USP6: variants seen among roughly 807,000 people sequenced by gnomAD.
USP6 encodes ubiquitin specific peptidase 6, also known as ubiquitin carboxyl-terminal hydrolase 6.
USP6 carries 128 observed loss-of-function variants against 175.7 expected under a neutral mutation model. The observed-to-expected ratio is 0.73, with a 90% confidence interval of 0.63 to 0.84. The LOEUF (loss-of-function observed/expected upper bound fraction) is 0.84, where lower values mean the gene tolerates loss of function less well. USP6 is among the 40% of genes least tolerant of loss of function. USP6 has a pLI of 0.00. For missense variants in USP6, 1,498 were observed against 1,760.3 expected, an observed-to-expected ratio of 0.85 and a Z score of 2.67; for synonymous variants, 562 against 630.6, an observed-to-expected ratio of 0.89 and a Z score of 1.63.
At chr17:5,171,443 G>A in intron 36 of USP6, 144 bp from the exon 37 acceptor site, 2 of 740,736 alleles carry the variant, frequency 2.7e-6, no homozygotes, top group South Asian at 7.6e-5. Context: ...GCTTATTTTG[G>A]TTTTAGAGAA....
At chr17:5,140,080 G>A (rs1200233633) in intron 22 of USP6, among the ~76,000 whole-genome samples, 4 of 151,626 alleles carry the variant, frequency 2.6e-5, no homozygotes, top group Non-Finnish European at 4.4e-5. Context: ...CACGACCAGC[G>A]TTCTGAATTC....
chr17:5,129,110 T>G lies in USP6; in HGVS notation c.-179T>G, dbSNP rs2072981479. On this transcript the variant is annotated 5_prime_UTR_variant, in exon 8 of 38. Coordinates refer to ENST00000574788, the MANE Select transcript of USP6 (RefSeq NM_001304284.2). ...TGGTGGCTTCGTAGAGTGGGTGCTG[T>G]TCCCGAATGTACCCATTCGACAGGT... 6.6e-6 allele frequency: 1 copy of G among 152,408 alleles called. No homozygotes were observed. Among genetic ancestry groups the G allele is most frequent in the Non-Finnish European group, 1.5e-5 (1 of 68,040 alleles). The allele number at this position is 152,408 out of a possible 1,614,324, so 9.4% of individuals were successfully genotyped here.
chr17:5,137,142 C>A lies in USP6; in HGVS notation c.781C>A (p.Gln261Lys). The change falls in exon 19 of 38, where the codon CAG (glutamine) becomes AAG (lysine). Residue 261 changes from glutamine (Q) to lysine (K), a missense_variant. Physicochemically the swap from Gln to Lys is moderately conservative, Grantham distance 53 (BLOSUM62 1). This residue lies in a region of USP6 where 1,217 missense variants were observed against 1,500.8 expected (regional missense o/e 0.81). Transcript: ENST00000574788. ...WHQDKEGLCG[Q>K]CASLGCLLRN... ...TCAGGACAAGGAAGGTCTATGCGGG[C>A]AGTGTGCCTCGTTAGGCTGCCTTCT... is the stretch of plus-strand genomic sequence containing the variant. 6.2e-7 allele frequency: 1 copy of A among 1,613,448 alleles called. No individual in the cohort carries two copies. The highest frequency in any genetic ancestry group is 8.5e-7 in the Non-Finnish European group (1 of 1,179,584).
chr17:5,133,679 A>G, intron 14 of USP6, 129 bp downstream of exon 14: 1 of 1,192,854 alleles, frequency 8.4e-7, no homozygotes, highest in Non-Finnish European at 1.2e-6. Flanking sequence ...CATCCTGGGC[A>G]TGGACGGTGA....
At chr17:5,161,269 C>T (rs942412818) in intron 31 of USP6, among the ~76,000 whole-genome samples, 2 of 152,192 alleles carry the variant, frequency 1.3e-5, no homozygotes, top group East Asian at 1.9e-4. Flanking sequence ...GTAAAATTTT[C>T]GTGGGCCACA....
intron 25 of USP6, among the ~76,000 whole-genome samples, chr17:5,142,855 C>G (rs2073487898): frequency 6.6e-6 from 1 of 152,152 alleles, no homozygotes; most frequent in African/African-American, 2.4e-5. Flanking sequence ...ACATCCAATC[C>G]AATACATTTT....
rs1332479538 is a variant in USP6, at chr17:5,142,060, A to T, written c.1631A>T (p.Asn544Ile). ...LSNLGNTCFM[N>I]SSIQCVSNTQ... ...AACCTGGGAAACACATGCTTCATGA[A>T]CTCAAGCATCCAGTGCGTTAGTAAC... Residue 544 changes from asparagine to isoleucine, a missense_variant, in exon 24 of 38, where the codon AAC (asparagine) becomes ATC (isoleucine). Asn to Ile is a moderately radical substitution (Grantham distance 149). This residue lies in a region of USP6 where 1,217 missense variants were observed against 1,500.8 expected (regional missense o/e 0.81). Coordinates refer to ENST00000574788, the MANE Select transcript of USP6 (RefSeq NM_001304284.2). 6.2e-7 allele frequency: 1 copy of T among 1,613,784 alleles called. No homozygotes were observed. The highest frequency in any genetic ancestry group is 1.3e-5 in the African/African-American group (1 of 74,916).
intron 21 of USP6, 43 bp downstream of exon 21, chr17:5,138,316 G>A (rs1465976317): frequency 6.2e-7 from 1 of 1,610,576 alleles, no homozygotes; most frequent in Non-Finnish European, 8.5e-7. Flanking sequence ...AGCCTCTGGG[G>A]CAGTCAATAG....
rs1008224599 is a variant in USP6 at position 5,151,924 on chromosome 17, G to A, written c.2643+3157G>A. Reference sequence around the variant, plus strand: ...CCTGACATTACGCATATAAAGAAAAGATTAAATTGCACTTCATTAAAATTG... The same window carrying A: ...CCTGACATTACGCATATAAAGAAAAAATTAAATTGCACTTCATTAAAATTG... On this transcript the variant is annotated intron_variant, in intron 30 of 37. Coordinates refer to ENST00000574788, the MANE Select transcript of USP6 (RefSeq NM_001304284.2). Among the ~76,000 whole-genome samples the A allele has an allele frequency of 2.0e-5, 3 of 152,118 alleles. No homozygotes were observed. The South Asian group carries it at 6.2e-4, about 31-fold the overall frequency.
rs760271882 is a variant in USP6, at chr17:5,132,256, C to T, written c.156-140C>T. On this transcript the variant is annotated intron_variant, in intron 11 of 37. Transcript: ENST00000574788. The surrounding 1 kb of genome is among the most constrained non-coding windows in gnomAD (Gnocchi z 4.7). ...GTCAGAGCCACAGGAAGGCCCTTGT[C>T]CTCCCTTCCCTGTGCCTTCTCCCGG... The T allele has an allele frequency of 1.1e-5, 18 of 1,601,682 alleles. No individual in the cohort carries two copies. In the East Asian group the frequency reaches 3.4e-4, roughly 30 times the overall value.
At chr17:5,157,544 A>G (rs2073910159) in intron 31 of USP6, among the ~76,000 whole-genome samples, 1 of 152,226 alleles carries the variant, frequency 6.6e-6, no homozygotes, top group Admixed American at 6.5e-5. Context: ...AATTGAATTA[A>G]AAAGCTTCTA....
chr17:5,133,081 C>T, intron 13 of USP6, 91 bp downstream of exon 13: 1 of 1,465,294 alleles, frequency 6.8e-7, no homozygotes, highest in African/African-American at 1.4e-5. Context: ...GTCAGCCTCT[C>T]AGAGGGCGGG....
intron 22 of USP6, 48 bp from the exon 23 acceptor site, chr17:5,141,377 G>A (rs747564165): frequency 6.6e-7 from 1 of 1,514,122 alleles, no homozygotes; most frequent in Admixed American, 2.1e-5. Flanking sequence ...TCAAGTGGGT[G>A]TAAATTAGAC....
intron 23 of USP6, among the ~76,000 whole-genome samples, chr17:5,141,775 A>C (rs1451261073): frequency 6.6e-6 from 1 of 152,242 alleles, no homozygotes; most frequent in African/African-American, 2.4e-5. Context: ...CATAGCAATT[A>C]AAAAGAATAA....
Position 5,147,085 on chromosome 17 carries a change from C to A in USP6, c.2322C>A (p.Asn774Lys), listed in dbSNP as rs1035342231. ...TCATCTTGCTGCTGTTTCTGTAGAA[C>A]TTTCCTCAGGATAACCAAAAAGTAC... ...LAEVHDSNIKNFPQDNQKVQL... is the reference protein window; with the variant it reads ...LAEVHDSNIKKFPQDNQKVQL... The change falls in exon 29 of 38, where the codon AAC becomes AAA. Residue 774 changes from asparagine to lysine, a missense_variant and splice_region_variant. Asn to Lys is a moderately conservative substitution (Grantham distance 94). Coordinates refer to ENST00000574788, the MANE Select transcript of USP6 (RefSeq NM_001304284.2). The A allele has an allele frequency of 2.8e-5, 45 of 1,611,808 alleles. No homozygotes were observed. Among genetic ancestry groups the A allele is most frequent in the Non-Finnish European group, 3.6e-5 (42 of 1,179,214 alleles).
chr17:5,174,454 G>A lies in USP6; in HGVS notation c.*1476G>A, dbSNP rs2074284914. 5.2e-6 allele frequency: 1 copy of A among 190,698 alleles called. No individual in the cohort carries two copies. Among genetic ancestry groups the A allele is most frequent in the Non-Finnish European group, 1.1e-5 (1 of 90,790 alleles). The allele number at this position is 190,698 out of a possible 1,614,324, so 11.8% of individuals were successfully genotyped here. On this transcript the variant is annotated 3_prime_UTR_variant, in exon 38 of 38. Coordinates refer to ENST00000574788, the MANE Select transcript of USP6 (RefSeq NM_001304284.2). ...TAATATCTAGTTCTCAGAGCATTTG[G>A]AAAGGTTATCTTAAATGGCTACCTA...
At chr17:5,136,763 C>A in intron 18 of USP6, 29 bp downstream of exon 18, 1 of 1,609,444 alleles carries the variant, frequency 6.2e-7, no homozygotes, top group East Asian at 2.2e-5. Flanking sequence ...CGGCTCTTCT[C>A]AGAGGCCCTG....
rs745899277 is a variant in USP6 at position 5,162,872 on chromosome 17, C to T, written c.2916-12C>T. The T allele has an allele frequency of 3.8e-6, 6 of 1,589,268 alleles. No homozygotes were observed. Among genetic ancestry groups the T allele is most frequent in the Admixed American group, 3.8e-5 (2 of 52,032 alleles). Reference sequence around the variant, plus strand: ...TTATTTCTTCCTCTGTGGATCTTTCCCCCCTTTTTAGATTTTGCAGAGGCT... The same window carrying T: ...TTATTTCTTCCTCTGTGGATCTTTCTCCCCTTTTTAGATTTTGCAGAGGCT... On this transcript the variant is annotated splice_polypyrimidine_tract_variant and intron_variant, in intron 32 of 37. Coordinates refer to ENST00000574788, the MANE Select transcript of USP6 (RefSeq NM_001304284.2).
In USP6 at chr17:5,158,606, G is replaced by GC. The variant is rs2073937179; in HGVS notation, c.2829-2922_2829-2921insC. ...GAGAGAGAGAGAGAGAGAGAGAGAG[G>GC]GAGAGGGGGAGAGAGAGAGAGAGAG... On this transcript the variant is annotated intron_variant, in intron 31 of 37. Transcript: ENST00000574788. Among the ~76,000 whole-genome samples, 2 of 54,580 alleles carry GC rather than the reference G, an allele frequency of 3.7e-5. 1 individual carries two copies. The highest frequency in any genetic ancestry group is 1.6e-4 in the African/African-American group (2 of 12,468). 35.8% of individuals were successfully genotyped at this position (54,580 alleles called of 152,430 possible). A position where few individuals can be genotyped will look rare whatever the true frequency, so the allele number is the denominator to read the frequency against.
Sources: allele counts gnomAD v4.1 joint callset (sites outside exome capture counted in the v4.1 genomes callset), GRCh38; gene constraint gnomAD v4.1.1; regional missense constraint gnomAD v4.1.1; non-coding constraint Gnocchi (gnomAD v3.1); transcripts MANE v1.5; gene names NCBI Gene and HGNC (gene_info 2026-07-23, HGNC 2026-07-21).